Variants in SLC12A2 observed in about 807,000 individuals in gnomAD.
The protein encoded by SLC12A2 is solute carrier family 12 member 2.
A neutral mutation model predicts 136.3 loss-of-function variants in SLC12A2; 67 were observed. The observed-to-expected ratio is 0.49, with a 90% CI of 0.40 to 0.60. SLC12A2 has a LOEUF of 0.60. Among genes scored for constraint, SLC12A2 ranks in the 20% least tolerant of loss-of-function variants. The pLI is 0.00. For synonymous variants in SLC12A2, 619 were observed against 562.9 expected (o/e 1.10, Z -1.41); for missense variants, 1,322 against 1,534.7 (o/e 0.86, Z 2.32).
intron 23 of SLC12A2, among the ~76,000 whole-genome samples, chr5:128,181,476 T>C (rs551067497): frequency 6.6e-6 from 1 of 152,218 alleles, no homozygotes; most frequent in African/African-American, 2.4e-5. Context: ...CTGTAACATG[T>C]ATATTGTACA....
At chr5:128,097,636 T>G (rs2126648129) in intron 1 of SLC12A2, among the ~76,000 whole-genome samples, 1 of 152,230 alleles carries the variant, frequency 6.6e-6, no homozygotes, top group East Asian at 1.9e-4. Context: ...TTACTTTGAA[T>G]ATCATTGAAT....
chr5:128,154,067 A>C lies in SLC12A2; in HGVS notation c.2363+1262A>C, dbSNP rs1277263581. Among the ~76,000 whole-genome samples the C allele has an allele frequency of 7.4e-5, 10 of 134,970 alleles. No homozygotes were observed. The East Asian group carries it at 1.5e-3, about 20-fold the overall frequency. 88.5% of individuals were successfully genotyped at this position (134,970 alleles called of 152,430 possible). On this transcript the variant is annotated intron_variant, in intron 15 of 26. Coordinates refer to ENST00000262461, the MANE Select transcript of SLC12A2 (RefSeq NM_001046.3). ...TATTTGCCGTCAATTAAAAAAAAAA[A>C]CAAAAAAAAAAAACCTCTTGCTTTG...
At chr5:128,103,054 T>C (rs1046110866) in intron 1 of SLC12A2, among the ~76,000 whole-genome samples, 3 of 152,258 alleles carry the variant, frequency 2.0e-5, no homozygotes, top group Non-Finnish European at 4.4e-5. Flanking sequence ...ATGAACGTTT[T>C]TATACGAGTA....
In SLC12A2 at chr5:128,187,879, T is replaced by G. The variant is rs1370623207; in HGVS notation, c.*1248T>G. The G allele has an allele frequency of 6.6e-6, 1 of 152,598 alleles. No individual in the cohort carries two copies. Among genetic ancestry groups the G allele is most frequent in the Non-Finnish European group, 1.5e-5 (1 of 68,026 alleles). The allele number at this position is 152,598 out of a possible 1,614,324, so 9.5% of individuals were successfully genotyped here. A position where few individuals can be genotyped will look rare whatever the true frequency, so the allele number is the denominator to read the frequency against. ...TGCATATGTACTGTTACTAAAAGCT[T>G]TATATGAAATTATTAATGTGAAGTT... On this transcript the variant is annotated 3_prime_UTR_variant, in exon 27 of 27. Coordinates refer to ENST00000262461, the MANE Select transcript of SLC12A2 (RefSeq NM_001046.3).
chr5:128,086,821 G>T (rs1373795081), intron 1 of SLC12A2, among the ~76,000 whole-genome samples: 1 of 152,170 alleles, frequency 6.6e-6, no homozygotes, highest in Non-Finnish European at 1.5e-5. Context: ...TAACAGGTTG[G>T]CTGGATCCCC....
intron 1 of SLC12A2, among the ~76,000 whole-genome samples, chr5:128,098,101 C>T (rs1473396847): frequency 6.6e-6 from 1 of 151,998 alleles, no homozygotes; most frequent in African/African-American, 2.4e-5. Context: ...TTCTCTTTAC[C>T]TTTGACTTTC....
chr5:128,112,278 G>A (rs963552729), intron 1 of SLC12A2, among the ~76,000 whole-genome samples: 2 of 152,158 alleles, frequency 1.3e-5, no homozygotes, highest in African/African-American at 4.8e-5. Flanking sequence ...GCAATGAAAA[G>A]CACTGAGTCA....
intron 9 of SLC12A2, 65 bp from the exon 10 acceptor site, chr5:128,141,764 GT>G: frequency 1.5e-6 from 2 of 1,316,488 alleles, no homozygotes; most frequent in South Asian, 3.0e-5. Context: ...ATATATATAT[GT>G]ATATAAAATT....
chr5:128,184,768 G>A (rs1763817325), intron 25 of SLC12A2, 21 bp from the exon 26 acceptor site: 2 of 1,611,288 alleles, frequency 1.2e-6, no homozygotes. Context: ...GTCTAGGAAT[G>A]ACTGTCCTGT....
chr5:128,125,216 G>T (rs1318924300), intron 4 of SLC12A2, among the ~76,000 whole-genome samples: 1 of 152,190 alleles, frequency 6.6e-6, no homozygotes, highest in East Asian at 1.9e-4. Context: ...ATAACAGATT[G>T]CTCGAGTCTT....
At chr5:128,178,722 A>T in intron 22 of SLC12A2, 33 bp downstream of exon 22, 1 of 1,485,494 alleles carries the variant, frequency 6.7e-7, no homozygotes, top group Non-Finnish European at 9.0e-7. Flanking sequence ...AATGATTTTA[A>T]ATTTACTGAC....
chr5:128,137,649 G>T (rs749253992), intron 7 of SLC12A2, among the ~76,000 whole-genome samples: 2 of 152,176 alleles, frequency 1.3e-5, no homozygotes, highest in African/African-American at 2.4e-5. Flanking sequence ...TCTAGTACAG[G>T]ACCTGACACA....
chr5:128,114,409 T>C (rs1018329697), intron 3 of SLC12A2, 122 bp downstream of exon 3: 3 of 856,684 alleles, frequency 3.5e-6, no homozygotes, highest in Non-Finnish European at 5.6e-6. Flanking sequence ...TATATCAGAT[T>C]GTTATCTTGA....
At chr5:128,160,159 G>A (rs1330185539) in intron 16 of SLC12A2, among the ~76,000 whole-genome samples, 4 of 152,016 alleles carry the variant, frequency 2.6e-5, no homozygotes, top group African/African-American at 9.7e-5. Flanking sequence ...AATACTGTAT[G>A]TTCTCACTCA....
intron 17 of SLC12A2, among the ~76,000 whole-genome samples, chr5:128,165,917 C>A (rs1268610924): frequency 7.1e-4 from 13 of 18,404 alleles, no homozygotes; most frequent in African/African-American, 3.5e-3. Context: ...TTTCTTTTAC[C>A]TCCCCCCCCC....
intron 1 of SLC12A2, among the ~76,000 whole-genome samples, chr5:128,095,244 A>G (rs1467246697): frequency 1.3e-5 from 2 of 152,100 alleles, no homozygotes; most frequent in African/African-American, 4.8e-5. Context: ...TTAATATTGT[A>G]TTGTTAGAAA....
rs771893106 is a variant in SLC12A2, at chr5:128,084,302, C to T, written c.348C>T (p.Thr116=). Reference sequence around the variant, plus strand: ...GTGCTGGGGCGGGGGCCAAGCAGACCCCCGCGGACGGGGAAGCCAGCGGCG... The same window carrying T: ...GTGCTGGGGCGGGGGCCAAGCAGACTCCCGCGGACGGGGAAGCCAGCGGCG... ...AAGAGAGAKQ[T]PADGEASGES... The change falls in exon 1 of 27, where the codon ACC becomes ACT. Residue 116 remains threonine (T), a synonymous_variant. Coordinates refer to ENST00000262461, the MANE Select transcript of SLC12A2 (RefSeq NM_001046.3). This position sits in a 1 kb window ranked among gnomAD's most constrained non-coding sequence, Gnocchi z 5.6. 2.6e-6 allele frequency: 4 copies of T among 1,510,160 alleles called. No individual in the cohort carries two copies. The highest frequency in any genetic ancestry group is 1.4e-5 in the African/African-American group (1 of 72,654). 93.5% of individuals were successfully genotyped at this position (1,510,160 alleles called of 1,614,324 possible). A position where few individuals can be genotyped will look rare whatever the true frequency, so the allele number is the denominator to read the frequency against.
intron 14 of SLC12A2, among the ~76,000 whole-genome samples, chr5:128,151,818 G>A (rs764901214): frequency 3.3e-5 from 5 of 152,100 alleles, no homozygotes; most frequent in Non-Finnish European, 5.9e-5. Flanking sequence ...ACTGGAGTGA[G>A]TACCATGGAG....
intron 23 of SLC12A2, among the ~76,000 whole-genome samples, chr5:128,181,365 A>G (rs967793849): frequency 1.3e-5 from 2 of 152,150 alleles, no homozygotes; most frequent in Non-Finnish European, 2.9e-5. Context: ...GCAGGATGCC[A>G]TTGTCATCCA....
Sources: gnomAD v4.1 joint callset for allele counts (sites outside exome capture counted in the v4.1 genomes callset) on GRCh38, gnomAD v4.1.1 for gene constraint, Gnocchi (gnomAD v3.1) non-coding constraint, MANE v1.5 for transcripts, NCBI Gene and HGNC (gene_info 2026-07-23, HGNC 2026-07-21) for gene names.